The following PLPP4 variants were observed in gnomAD, a reference collection of about 807,000 sequenced individuals.
PLPP4 encodes phospholipid phosphatase 4, also known as diacylglycerol pyrophosphate like 2.
PLPP4 carries 20 observed loss-of-function variants against 32.2 expected under a neutral mutation model. The observed-to-expected ratio is 0.62, with a 90% CI of 0.44 to 0.90. PLPP4 has a LOEUF of 0.90. Among genes scored for constraint, PLPP4 ranks in the 40% least tolerant of loss-of-function variants. The pLI is 0.00. For missense variants in PLPP4, 257 were observed against 353.1 expected (o/e 0.73, Z 2.18); for synonymous variants, 127 against 133.0 (o/e 0.95, Z 0.31).
At chr10:120,502,664 C>T (rs1224257000) in intron 1 of PLPP4, among the ~76,000 whole-genome samples, 2 of 152,174 alleles carry the variant, frequency 1.3e-5, no homozygotes, top group Non-Finnish European at 2.9e-5. Flanking sequence ...GCTCATACAA[C>T]GTCCCAAATC....
intron 5 of PLPP4, among the ~76,000 whole-genome samples, chr10:120,526,465 G>A (rs943115247): frequency 1.2e-4 from 18 of 152,142 alleles, no homozygotes; most frequent in African/African-American, 3.9e-4. Context: ...GTTAGCTAGC[G>A]TCTGGCCTTT....
chr10:120,586,521 C>G (rs1254365693), intron 6 of PLPP4, among the ~76,000 whole-genome samples: 1 of 152,164 alleles, frequency 6.6e-6, no homozygotes, highest in African/African-American at 2.4e-5. Flanking sequence ...ACTTACATAA[C>G]AAGGCCTCTT....
At chr10:120,529,449 A>G (rs1428553706) in intron 5 of PLPP4, among the ~76,000 whole-genome samples, 1 of 152,236 alleles carries the variant, frequency 6.6e-6, no homozygotes, top group Non-Finnish European at 1.5e-5. Flanking sequence ...ATTTTTAGCA[A>G]TGGATACTGT....
In PLPP4 at chr10:120,508,024, G is replaced by C. The variant is rs143105704; in HGVS notation, c.165+4098G>C. Among the ~76,000 whole-genome samples, 1,520 of 152,198 alleles carry C rather than the reference G, an allele frequency of 1.0e-2. 27 individuals carry two copies. The highest frequency in any genetic ancestry group is 0.034 in the African/African-American group (1,415 of 41,518). ...GGCTTCCAAAAGAAATCCACCCAAG[G>C]CCTATTCTTTGCCCTCTTCTCTTTT... On this transcript the variant is annotated intron_variant, in intron 2 of 6. Coordinates refer to ENST00000398250, the MANE Select transcript of PLPP4 (RefSeq NM_001030059.3).
chr10:120,541,778 TTC>T (rs1482202178), intron 5 of PLPP4, among the ~76,000 whole-genome samples: 1 of 28,328 alleles, frequency 3.5e-5, no homozygotes, highest in African/African-American at 9.2e-5. Context: ...ATTTAAGTCA[TTC>T]TTTTTTTTTT....
chr10:120,465,074 A>G (rs1848250353), intron 1 of PLPP4, among the ~76,000 whole-genome samples: 1 of 152,256 alleles, frequency 6.6e-6, no homozygotes, highest in South Asian at 2.1e-4. Context: ...ATTAGTTGTA[A>G]AGAATATGCC....
chr10:120,532,961 G>A (rs1411210846), intron 5 of PLPP4, among the ~76,000 whole-genome samples: 1 of 152,106 alleles, frequency 6.6e-6, no homozygotes, highest in African/African-American at 2.4e-5. Context: ...GTTTTTGTGT[G>A]GATATATGTT....
At chr10:120,463,433 A>G (rs967948647) in intron 1 of PLPP4, among the ~76,000 whole-genome samples, 1 of 152,216 alleles carries the variant, frequency 6.6e-6, no homozygotes, top group African/African-American at 2.4e-5. Flanking sequence ...GCCACTAACT[A>G]ACAATTGCCT....
At chr10:120,575,891 C>T (rs1307316444) in intron 6 of PLPP4, among the ~76,000 whole-genome samples, 1 of 152,146 alleles carries the variant, frequency 6.6e-6, no homozygotes, top group Middle Eastern at 3.2e-3. Context: ...TAAACCATGC[C>T]ATGTCCTTCT....
chr10:120,570,971 A>T (rs530727499), intron 5 of PLPP4, among the ~76,000 whole-genome samples: 5 of 152,248 alleles, frequency 3.3e-5, no homozygotes, highest in South Asian at 4.1e-4. Context: ...AGATCAACAC[A>T]TAAATATTAA....
At chr10:120,465,629 T>C (rs1564774737) in intron 1 of PLPP4, among the ~76,000 whole-genome samples, 1 of 152,216 alleles carries the variant, frequency 6.6e-6, no homozygotes, top group African/African-American at 2.4e-5. Flanking sequence ...TTGAACCATA[T>C]GAAATTGCTG....
intron 5 of PLPP4, among the ~76,000 whole-genome samples, chr10:120,543,340 C>CT (rs762320433): frequency 3.9e-5 from 6 of 152,304 alleles, no homozygotes; most frequent in Non-Finnish European, 7.3e-5. Context: ...TTGCAGCTGC[C>CT]TGTCTCAGGG....
chr10:120,542,923 G>A (rs1232687524), intron 5 of PLPP4, among the ~76,000 whole-genome samples: 3 of 152,310 alleles, frequency 2.0e-5, no homozygotes, highest in African/African-American at 2.4e-5. Flanking sequence ...GAGGCAGTTC[G>A]TGTCCTTTAT....
At chr10:120,488,223 T>A (rs542866894) in intron 1 of PLPP4, among the ~76,000 whole-genome samples, 1 of 152,338 alleles carries the variant, frequency 6.6e-6, no homozygotes, top group Admixed American at 6.5e-5. Context: ...TTGAGTGGTT[T>A]ATAAAGCATT....
chr10:120,542,778 A>C (rs1847411980), intron 5 of PLPP4, among the ~76,000 whole-genome samples: 1 of 152,220 alleles, frequency 6.6e-6, no homozygotes, highest in Non-Finnish European at 1.5e-5. Context: ...CCCACTGCAG[A>C]GTGACTGTCG....
chr10:120,556,805 G>T (rs11199401), intron 5 of PLPP4, among the ~76,000 whole-genome samples: 6,684 of 152,128 alleles, frequency 0.044, 245 homozygotes, highest in South Asian at 0.2. Flanking sequence ...TCAAACCTCG[G>T]CACTAGATGT....
At chr10:120,481,238 C>T (rs1844190456) in intron 1 of PLPP4, among the ~76,000 whole-genome samples, 2 of 152,138 alleles carry the variant, frequency 1.3e-5, no homozygotes, top group Admixed American at 6.5e-5. Flanking sequence ...ATGGAAAGCA[C>T]ATGGTGGAAC....
At chr10:120,523,324 C>A (rs1358584754) in intron 5 of PLPP4, among the ~76,000 whole-genome samples, 1 of 151,886 alleles carries the variant, frequency 6.6e-6, no homozygotes, top group Non-Finnish European at 1.5e-5. Context: ...AAAAAAAGCT[C>A]AAAATTCTTG....
chr10:120,463,211 A>G (rs572272517), intron 1 of PLPP4, among the ~76,000 whole-genome samples: 1 of 152,076 alleles, frequency 6.6e-6, no homozygotes, highest in East Asian at 1.9e-4. Flanking sequence ...TATTTTTAGT[A>G]GAGACGTAGT....
Sources: gnomAD v4.1 joint callset for allele counts (sites outside exome capture counted in the v4.1 genomes callset) on GRCh38, gnomAD v4.1.1 for gene constraint, MANE v1.5 for transcripts, NCBI Gene and HGNC (gene_info 2026-07-23, HGNC 2026-07-21) for gene names.